The following GFRA3 variants were observed in gnomAD, a reference collection of about 807,000 sequenced individuals.
The protein encoded by GFRA3 is GDNF family receptor alpha-3.
In GFRA3, 24 loss-of-function variants were observed where a neutral mutation model predicts 40.0. The observed-to-expected ratio is 0.60, with a 90% confidence interval of 0.43 to 0.84. GFRA3 has a LOEUF of 0.84. Among genes scored for constraint, GFRA3 ranks in the 40% least tolerant of loss-of-function variants. GFRA3 has a pLI of 0.00. For synonymous variants in GFRA3, 203 were observed against 213.5 expected, an observed-to-expected ratio of 0.95 and a Z score of 0.43; for missense variants, 405 against 530.6, an observed-to-expected ratio of 0.76 and a Z score of 2.33.
At chr5:138,269,586 G>A (rs1755837310) in intron 1 of GFRA3, among the ~76,000 whole-genome samples, 1 of 151,000 alleles carries the variant, frequency 6.6e-6, no homozygotes, top group African/African-American at 2.4e-5. Context: ...GCTCAAACCT[G>A]TAATCCCAGC....
intron 1 of GFRA3, among the ~76,000 whole-genome samples, chr5:138,271,477 C>T (rs1755868368): frequency 6.6e-6 from 1 of 152,186 alleles, no homozygotes; most frequent in Non-Finnish European, 1.5e-5. Flanking sequence ...GATTGTGAAA[C>T]ACAGGACTTG....
intron 4 of GFRA3, among the ~76,000 whole-genome samples, chr5:138,255,931 G>GAAA (rs1561648933): frequency 6.7e-6 from 1 of 148,492 alleles, no homozygotes; most frequent in Non-Finnish European, 1.5e-5. Context: ...AGAAGAAGAA[G>GAAA]AAAAAAACCA....
At chr5:138,263,827 C>T (rs1755743767) in intron 2 of GFRA3, among the ~76,000 whole-genome samples, 1 of 152,242 alleles carries the variant, frequency 6.6e-6, no homozygotes, top group South Asian at 2.1e-4. Context: ...TCTGTGCCTT[C>T]TCTCTCTTAC....
chr5:138,260,497 G>A (rs1267601244), intron 2 of GFRA3, among the ~76,000 whole-genome samples: 4 of 152,202 alleles, frequency 2.6e-5, no homozygotes, highest in Non-Finnish European at 5.9e-5. Context: ...TGCCGGGCAC[G>A]GTGGCTCACA....
rs775939048 is a variant in GFRA3 at position 138,257,842 on chromosome 5, G to A, written c.582C>T (p.His194=). 1.2e-6 allele frequency: 2 copies of A among 1,613,848 alleles called. No homozygotes were observed. The highest frequency in any genetic ancestry group is 2.2e-5 in the South Asian group (2 of 91,076). ...AAGTGAGCAGCTGCCTGAGGCAGAC[G>A]TGGCGCTGGCAGTGGGGCCCGGAGC... ...EACSGPHCQR[H]VCLRQLLTFF... is the part of the protein sequence containing the mutation. The change falls in exon 4 of 8, where the codon CAC becomes CAT. Residue 194 remains histidine, a synonymous_variant. Coordinates refer to ENST00000274721, the MANE Select transcript of GFRA3 (RefSeq NM_001496.4).
intron 1 of GFRA3, among the ~76,000 whole-genome samples, chr5:138,271,253 A>G (rs1171486782): frequency 1.3e-5 from 2 of 152,210 alleles, no homozygotes; most frequent in African/African-American, 4.8e-5. Context: ...CGGCCTCAAC[A>G]AAGTGCTGGG....
chr5:138,259,159 A>G (rs1431168917), intron 3 of GFRA3, among the ~76,000 whole-genome samples: 1 of 152,214 alleles, frequency 6.6e-6, no homozygotes, highest in Non-Finnish European at 1.5e-5. Flanking sequence ...CCATCCCATT[A>G]GAATGGTTGA....
rs1321252020 is a variant in GFRA3 at position 138,257,716 on chromosome 5, G to A, written c.708C>T (p.Ala236=). 3.1e-6 allele frequency: 5 copies of A among 1,610,652 alleles called. No homozygotes were observed. The Middle Eastern group carries it at 6.6e-4, about 214-fold the overall frequency. The change falls in exon 4 of 8, where the codon GCC becomes GCT. Residue 236 remains alanine, a synonymous_variant. Transcript: ENST00000274721. The part of the protein sequence containing the change: ...GCGERRRNTI[A]PNCALPPVAP... ...CCACAGGCGGCAGCGCGCAGTTGGG[G>A]GCGATGGTGTTGCGCCGGCGCTCCC...
At position 138,259,553 on chromosome 5, in the gene GFRA3, A is replaced by C; in HGVS notation, c.472+4T>G. The C allele has an allele frequency of 7.0e-7, 1 of 1,423,462 alleles. No individual in the cohort carries two copies. The highest frequency in any genetic ancestry group is 9.9e-7 in the Non-Finnish European group (1 of 1,005,940). The allele number at this position is 1,423,462 out of a possible 1,614,324, so 88.2% of individuals were successfully genotyped here. A position where few individuals can be genotyped will look rare whatever the true frequency, so the allele number is the denominator to read the frequency against. ...TGGTTCCCGAGCCTAGTTGCCCTCC[A>C]CACCTGGTTTGAGCATGTTCAGTTT... On this transcript the variant is annotated splice_donor_region_variant and intron_variant, in intron 3 of 7. Coordinates refer to ENST00000274721, the MANE Select transcript of GFRA3 (RefSeq NM_001496.4).
chr5:138,269,815 C>T (rs1755841899), intron 1 of GFRA3, among the ~76,000 whole-genome samples: 1 of 147,738 alleles, frequency 6.8e-6, no homozygotes, highest in Non-Finnish European at 1.5e-5. Flanking sequence ...TGCACTCCAG[C>T]CTGGTGGTGA....
intron 3 of GFRA3, among the ~76,000 whole-genome samples, chr5:138,258,662 T>C (rs1371124696): frequency 6.6e-6 from 1 of 152,148 alleles, no homozygotes; most frequent in African/African-American, 2.4e-5. Context: ...CCTGCAACAT[T>C]CTAAAGCACT....
At chr5:138,255,615 T>A (rs570367497) in intron 4 of GFRA3, among the ~76,000 whole-genome samples, 1 of 151,618 alleles carries the variant, frequency 6.6e-6, no homozygotes, top group African/African-American at 2.4e-5. Context: ...AGAGTAAGAG[T>A]TGGGCAAGCA....
chr5:138,268,098 A>G (rs1755812747), intron 1 of GFRA3, among the ~76,000 whole-genome samples: 1 of 152,064 alleles, frequency 6.6e-6, no homozygotes, highest in Non-Finnish European at 1.5e-5. Context: ...TAGCCTGATC[A>G]GCATGGTGAA....
rs1755651226 is a variant in GFRA3 at position 138,257,679 on chromosome 5, G to C, written c.745C>G (p.Leu249Val). 6.2e-7 allele frequency: 1 copy of C among 1,609,956 alleles called. No homozygotes were observed. Residue 249 changes from leucine to valine, a missense_variant, in exon 4 of 8, where the codon CTG (leucine) becomes GTG (valine). Leu to Val is a conservative substitution (Grantham distance 32). Transcript: ENST00000274721. The part of the protein sequence containing the change: ...CALPPVAPNC[L>V]ELRRLCFSDP... ...GAGAAGCAGAGGCGCCGCAGCTCCA[G>C]GCAGTTGGGGGCCACAGGCGGCAGC...
Position 138,252,769 on chromosome 5 carries a change from A to G in GFRA3, c.*199T>C. 1 of 480,432 alleles carries G rather than the reference A, an allele frequency of 2.1e-6. No homozygotes were observed. The highest frequency in any genetic ancestry group is 3.4e-5 in the East Asian group (1 of 29,548). 29.8% of individuals were successfully genotyped at this position (480,432 alleles called of 1,614,324 possible). On this transcript the variant is annotated 3_prime_UTR_variant, in exon 8 of 8. Coordinates refer to ENST00000274721, the MANE Select transcript of GFRA3 (RefSeq NM_001496.4). ...TAAATTGTGGCCACCAAGGAGGGGC[A>G]GCATGAATCAGAAGTGGAGATGGGG...
chr5:138,271,905 T>TG (rs1468208782), intron 1 of GFRA3, among the ~76,000 whole-genome samples: 3 of 96,970 alleles, frequency 3.1e-5, no homozygotes, highest in East Asian at 3.3e-4. Context: ...TTTTTTTTTT[T>TG]TTTTTTTTTG....
intron 4 of GFRA3, among the ~76,000 whole-genome samples, chr5:138,255,075 GAGA>G (rs1755608274): frequency 2.0e-5 from 3 of 151,016 alleles, no homozygotes; most frequent in Non-Finnish European, 4.4e-5. Flanking sequence ...AAGAAGTAAG[GAGA>G]GAAGAAGAGA....
chr5:138,255,097 G>A (rs28704868), intron 4 of GFRA3, among the ~76,000 whole-genome samples: 44,971 of 149,920 alleles, frequency 0.3, 7,625 homozygotes, highest in South Asian at 0.42. Flanking sequence ...GAAAGAGAGA[G>A]GAAGGAAAGA....
intron 1 of GFRA3, among the ~76,000 whole-genome samples, chr5:138,265,520 A>T (rs751186912): frequency 1.7e-4 from 25 of 151,082 alleles, no homozygotes; most frequent in South Asian, 4.2e-4. Flanking sequence ...GCCTTAATTC[A>T]TCTCTTTCTT....
Sources: allele counts gnomAD v4.1 joint callset (sites outside exome capture counted in the v4.1 genomes callset), GRCh38; gene constraint gnomAD v4.1.1; transcripts MANE v1.5; gene names NCBI Gene and HGNC (gene_info 2026-07-23, HGNC 2026-07-21).